Variants in CFAP20DC observed in about 807,000 individuals in gnomAD.
CFAP20DC encodes the protein CFAP20 domain containing.
A neutral mutation model predicts 101.7 loss-of-function variants in CFAP20DC; 84 were observed. That is an observed-to-expected ratio of 0.83 (90% confidence interval 0.69 to 0.99). CFAP20DC has a LOEUF of 0.99. CFAP20DC is among the 50% of genes least tolerant of loss of function. The probability of loss-of-function intolerance (pLI) is 0.00; values close to 1 mark genes in which losing one functional copy is unlikely to be tolerated. For synonymous variants in CFAP20DC, 359 were observed against 351.2 expected, an observed-to-expected ratio of 1.02 and a Z score of -0.25; for missense variants, 1,007 against 970.3, an observed-to-expected ratio of 1.04 and a Z score of -0.50.
intron 4 of CFAP20DC, among the ~76,000 whole-genome samples, chr3:58,957,989 AAAG>A (rs2090793869): frequency 1.3e-5 from 2 of 152,322 alleles, no homozygotes; most frequent in South Asian, 4.1e-4. Context: ...TTAAAAACTA[AAAG>A]TATAATTAGA....
downstream of CFAP20DC, among the ~76,000 whole-genome samples, chr3:58,738,125 T>C (rs535609563): frequency 5.9e-5 from 9 of 152,300 alleles, no homozygotes; most frequent in African/African-American, 1.9e-4. The surrounding 1 kb of genome is among the most constrained non-coding windows in gnomAD (Gnocchi z 4.4). Flanking sequence ...ATGAATGATG[T>C]ACGAAATAGA....
At chr3:58,758,452 C>A (rs2069167641) in intron 15 of CFAP20DC, among the ~76,000 whole-genome samples, 2 of 152,120 alleles carry the variant, frequency 1.3e-5, no homozygotes, top group African/African-American at 4.8e-5. Context: ...AGAATCTACT[C>A]CTGCTTGCTG....
chr3:58,833,036 T>A (rs1179982431), intron 13 of CFAP20DC, among the ~76,000 whole-genome samples: 2 of 152,208 alleles, frequency 1.3e-5, no homozygotes, highest in African/African-American at 4.8e-5. Flanking sequence ...TACACTTTCT[T>A]GGAGGACTCT....
chr3:58,996,024 A>ATCTG (rs2093119524), intron 4 of CFAP20DC, among the ~76,000 whole-genome samples: 1 of 150,050 alleles, frequency 6.7e-6, no homozygotes, highest in Non-Finnish European at 1.5e-5. Context: ...CTATCTATCT[A>ATCTG]TTGTTTCTGT....
chr3:58,790,468 C>G (rs567168879), intron 15 of CFAP20DC, among the ~76,000 whole-genome samples: 6 of 152,064 alleles, frequency 3.9e-5, no homozygotes, highest in Non-Finnish European at 8.8e-5. Flanking sequence ...TATCATGTAC[C>G]CATATAAACC....
At chr3:59,038,472 A>T (rs1161496443) in intron 4 of CFAP20DC, among the ~76,000 whole-genome samples, 2 of 152,122 alleles carry the variant, frequency 1.3e-5, no homozygotes, top group African/African-American at 4.8e-5. Context: ...TGTTTTACTG[A>T]GCTTTGCTTT....
intron 5 of CFAP20DC, among the ~76,000 whole-genome samples, chr3:58,916,872 T>G (rs56961161): frequency 0.018 from 2,744 of 152,276 alleles, 77 homozygotes; most frequent in African/African-American, 0.062. Flanking sequence ...GTATAAACTC[T>G]CTACTACCAA....
chr3:58,998,485 G>T (rs1209723086), intron 4 of CFAP20DC, among the ~76,000 whole-genome samples: 1 of 152,130 alleles, frequency 6.6e-6, no homozygotes, highest in Non-Finnish European at 1.5e-5. Flanking sequence ...ATGCTTTACT[G>T]CGTCCTTACC....
At chr3:58,806,829 A>T (rs1402777142) in intron 14 of CFAP20DC, among the ~76,000 whole-genome samples, 1 of 152,186 alleles carries the variant, frequency 6.6e-6, no homozygotes, top group African/African-American at 2.4e-5. Flanking sequence ...GAAAGGGGTG[A>T]CAGATGGCAC....
intron 5 of CFAP20DC, among the ~76,000 whole-genome samples, chr3:58,923,418 T>C (rs922031214): frequency 1.3e-5 from 2 of 152,196 alleles, no homozygotes; most frequent in African/African-American, 2.4e-5. Context: ...TTACTGGCAA[T>C]GGATTCTCTC....
At chr3:58,920,682 ATGC>A (rs1488435845) in intron 5 of CFAP20DC, among the ~76,000 whole-genome samples, 5 of 152,206 alleles carry the variant, frequency 3.3e-5, no homozygotes, top group African/African-American at 9.7e-5. Context: ...CCTGGAATAA[ATGC>A]CACTGGATCA....
At chr3:58,963,739 A>G (rs1294770530) in intron 4 of CFAP20DC, among the ~76,000 whole-genome samples, 1 of 152,148 alleles carries the variant, frequency 6.6e-6, no homozygotes, top group Non-Finnish European at 1.5e-5. Flanking sequence ...ATACCTAAAA[A>G]TCATCCAAAT....
At chr3:58,821,167 G>A (rs1052263082) in intron 14 of CFAP20DC, among the ~76,000 whole-genome samples, 4 of 151,908 alleles carry the variant, frequency 2.6e-5, no homozygotes, top group African/African-American at 7.3e-5. Flanking sequence ...AGATTTAAAC[G>A]TTAGACCTAA....
chr3:58,767,918 G>A (rs557054698), intron 15 of CFAP20DC, among the ~76,000 whole-genome samples: 1 of 152,186 alleles, frequency 6.6e-6, no homozygotes, highest in Non-Finnish European at 1.5e-5. Flanking sequence ...TCTTCAAGTA[G>A]TTTTGGCTGT....
intron 11 of CFAP20DC, among the ~76,000 whole-genome samples, chr3:58,865,952 A>G (rs917243697): frequency 1.3e-5 from 2 of 152,180 alleles, no homozygotes; most frequent in Non-Finnish European, 2.9e-5. Flanking sequence ...GTGTTTTCTT[A>G]GAAAAATATG....
chr3:59,025,721 G>A (rs1434675794), intron 4 of CFAP20DC, among the ~76,000 whole-genome samples: 1 of 152,042 alleles, frequency 6.6e-6, no homozygotes, highest in East Asian at 1.9e-4. Context: ...CCTGACTTGT[G>A]CCCTGATAAT....
chr3:58,819,331 C>CA (rs1399879553), intron 14 of CFAP20DC, among the ~76,000 whole-genome samples: 16 of 152,076 alleles, frequency 1.1e-4, no homozygotes, highest in African/African-American at 2.9e-4. Flanking sequence ...AAAAACCCTT[C>CA]AAAAAATCAA....
intron 6 of CFAP20DC, among the ~76,000 whole-genome samples, chr3:58,887,882 T>C (rs1405104107): frequency 6.6e-6 from 1 of 152,246 alleles, no homozygotes; most frequent in Non-Finnish European, 1.5e-5. Flanking sequence ...GACTAACCAT[T>C]AAGCCCATCT....
chr3:58,804,364 C>CT (rs375391531), intron 15 of CFAP20DC, among the ~76,000 whole-genome samples: 4,168 of 138,318 alleles, frequency 0.03, 103 homozygotes, highest in Middle Eastern at 0.042. Context: ...CAAATTAGTT[C>CT]TTTTTTTTTT....
Sources: gnomAD v4.1 joint callset for allele counts (sites outside exome capture counted in the v4.1 genomes callset) on GRCh38, gnomAD v4.1.1 for gene constraint, Gnocchi (gnomAD v3.1) non-coding constraint, MANE v1.5 for transcripts, NCBI Gene and HGNC (gene_info 2026-07-23, HGNC 2026-07-21) for gene names.